The following EXOC6B variants were observed in gnomAD, a reference collection of about 807,000 sequenced individuals.
EXOC6B encodes SEC15 homolog B.
Under a neutral mutation model 113.5 loss-of-function variants are expected in EXOC6B, and 54 were observed. The observed-to-expected ratio is 0.48, with a 90% CI of 0.38 to 0.60. The LOEUF (loss-of-function observed/expected upper bound fraction) is 0.60, where lower values mean the gene tolerates loss of function less well. Among genes scored for constraint, EXOC6B ranks in the 20% least tolerant of loss-of-function variants. The probability of loss-of-function intolerance (pLI) is 0.00; values close to 1 mark genes in which losing one functional copy is unlikely to be tolerated. For missense variants in EXOC6B, 797 were observed against 977.5 expected (o/e 0.82, Z 2.46); for synonymous variants, 357 against 339.0 (o/e 1.05, Z -0.58).
At chr2:72,209,438 C>T (rs72910329) in intron 20 of EXOC6B, among the ~76,000 whole-genome samples, 10,653 of 151,864 alleles carry the variant, frequency 0.07, 501 homozygotes, top group African/African-American at 0.14. Flanking sequence ...GGCTCGAGCC[C>T]GGGAAGCAGA....
At chr2:72,549,192 T>C (rs1011647517) in intron 8 of EXOC6B, among the ~76,000 whole-genome samples, 3 of 152,160 alleles carry the variant, frequency 2.0e-5, no homozygotes, top group African/African-American at 7.2e-5. Flanking sequence ...TATACTTTTA[T>C]ATACTATATT....
At chr2:72,459,011 A>C (rs1697440401) in intron 18 of EXOC6B, among the ~76,000 whole-genome samples, 1 of 152,140 alleles carries the variant, frequency 6.6e-6, no homozygotes, top group Admixed American at 6.6e-5. Flanking sequence ...CAATTCAGAA[A>C]ACATTTTCTA....
At chr2:72,540,155 A>G (rs1405084277) in intron 8 of EXOC6B, among the ~76,000 whole-genome samples, 4 of 151,956 alleles carry the variant, frequency 2.6e-5, no homozygotes, top group Non-Finnish European at 2.9e-5. Flanking sequence ...ATAGTATTCC[A>G]TGGTGTATAT....
chr2:72,547,080 T>C (rs953648047), intron 8 of EXOC6B, among the ~76,000 whole-genome samples: 2 of 152,232 alleles, frequency 1.3e-5, no homozygotes, highest in African/African-American at 4.8e-5. Flanking sequence ...TTTTGCCTGG[T>C]GAAAGCATTC....
intron 6 of EXOC6B, among the ~76,000 whole-genome samples, chr2:72,676,138 A>G (rs1676288573): frequency 6.6e-6 from 1 of 151,984 alleles, no homozygotes; most frequent in Non-Finnish European, 1.5e-5. Context: ...AAAAAAAAAA[A>G]AAAGAAGAAG....
intron 19 of EXOC6B, among the ~76,000 whole-genome samples, chr2:72,369,765 G>T (rs1690885206): frequency 1.3e-5 from 2 of 152,176 alleles, no homozygotes; most frequent in Admixed American, 1.3e-4. Flanking sequence ...ATGGGGAAAG[G>T]ATTCCCTATT....
intron 18 of EXOC6B, among the ~76,000 whole-genome samples, chr2:72,409,186 A>T: frequency 6.6e-6 from 1 of 152,236 alleles, no homozygotes; most frequent in Non-Finnish European, 1.5e-5. Flanking sequence ...CACACCAGTT[A>T]GAATGGCGAT....
chr2:72,509,921 C>T (rs552465707), intron 11 of EXOC6B, among the ~76,000 whole-genome samples: 9 of 152,276 alleles, frequency 5.9e-5, no homozygotes, highest in Non-Finnish European at 1.2e-4. Context: ...GCAGCCTCTG[C>T]CTCCTGGGTT....
In EXOC6B at chr2:72,416,270, A is replaced by G. The variant is rs191516097; in HGVS notation, c.1981-36400T>C. On this transcript the variant is annotated intron_variant, in intron 18 of 21. Coordinates refer to ENST00000272427, the MANE Select transcript of EXOC6B (RefSeq NM_015189.3). ...CAAGAGAGCCAGCAAATAATTGGGG[A>G]AAATAATAATGCTCCTCAGAGGAGA... is the stretch of plus-strand genomic sequence containing the variant. Among the ~76,000 whole-genome samples the G allele has an allele frequency of 8.0e-3, 1,219 of 152,338 alleles. 9 individuals are homozygous for G. The highest frequency in any genetic ancestry group is 0.037 in the South Asian group (180 of 4,830).
chr2:72,512,131 C>T (rs1408958827), intron 11 of EXOC6B, among the ~76,000 whole-genome samples: 2 of 151,980 alleles, frequency 1.3e-5, no homozygotes, highest in Admixed American at 6.6e-5. Context: ...AAGCAAACAC[C>T]CTGTTTCCTA....
In EXOC6B at chr2:72,664,273, G is replaced by A. The variant is rs373838498; in HGVS notation, c.669+53830C>T. Among the ~76,000 whole-genome samples the A allele has an allele frequency of 1.4e-4, 22 of 152,204 alleles. 2 individuals carry two copies. The highest frequency in any genetic ancestry group is 4.6e-4 in the African/African-American group (19 of 41,522). ...CCAGCATACTTCAAACAGATCTTCA[G>A]AGAGAAAACACTGAGACTCAGTAGA... is the stretch of plus-strand genomic sequence containing the variant. On this transcript the variant is annotated intron_variant, in intron 6 of 21. Coordinates refer to ENST00000272427, the MANE Select transcript of EXOC6B (RefSeq NM_015189.3).
intron 6 of EXOC6B, among the ~76,000 whole-genome samples, chr2:72,576,585 T>C (rs1704873056): frequency 6.6e-6 from 1 of 152,076 alleles, no homozygotes; most frequent in South Asian, 2.1e-4. Flanking sequence ...TCAGTGACAT[T>C]TCCACTACAT....
At chr2:72,724,851 G>A (rs1055249680) in intron 5 of EXOC6B, among the ~76,000 whole-genome samples, 1 of 152,012 alleles carries the variant, frequency 6.6e-6, no homozygotes, top group African/African-American at 2.4e-5. Flanking sequence ...CTCGAACACA[G>A]CCATAAAATC....
At chr2:72,814,027 G>C (rs1423254951) in intron 1 of EXOC6B, among the ~76,000 whole-genome samples, 1 of 151,940 alleles carries the variant, frequency 6.6e-6, no homozygotes, top group Non-Finnish European at 1.5e-5. Context: ...AAAGAGACTT[G>C]GCTGGAATGT....
chr2:72,387,966 TC>T (rs1378917303), intron 18 of EXOC6B, among the ~76,000 whole-genome samples: 24 of 152,174 alleles, frequency 1.6e-4, no homozygotes, highest in African/African-American at 5.5e-4. Flanking sequence ...TGATCAATTT[TC>T]CTCTAAGCTA....
intron 21 of EXOC6B, among the ~76,000 whole-genome samples, chr2:72,181,204 GT>G (rs963121303): frequency 1.6e-5 from 1 of 61,448 alleles, no homozygotes; most frequent in African/African-American, 2.0e-4. Flanking sequence ...GCGAGACTCC[GT>G]CTCAAAAAAA....
chr2:72,778,171 G>A (rs1196143692), intron 1 of EXOC6B, among the ~76,000 whole-genome samples: 1 of 152,130 alleles, frequency 6.6e-6, no homozygotes, highest in Non-Finnish European at 1.5e-5. Flanking sequence ...GCTGTCATTT[G>A]TTTGTTTTCT....
At chr2:72,251,473 G>A (rs868807442) in intron 20 of EXOC6B, among the ~76,000 whole-genome samples, 7 of 152,170 alleles carry the variant, frequency 4.6e-5, no homozygotes, top group Non-Finnish European at 8.8e-5. Flanking sequence ...TGTTATTCAC[G>A]TGAAACTAAA....
At chr2:72,196,150 C>A (rs890707905) in intron 20 of EXOC6B, among the ~76,000 whole-genome samples, 8 of 152,080 alleles carry the variant, frequency 5.3e-5, no homozygotes, top group Non-Finnish European at 1.2e-4. Context: ...TGGGTGATAA[C>A]CTGCAGGAAA....
Sources: allele counts gnomAD v4.1 joint callset (sites outside exome capture counted in the v4.1 genomes callset), GRCh38; gene constraint gnomAD v4.1.1; transcripts MANE v1.5; gene names NCBI Gene and HGNC (gene_info 2026-07-23, HGNC 2026-07-21).